Variants in ACAD10 observed in about 807,000 individuals in gnomAD.
ACAD10 encodes the protein acyl-CoA dehydrogenase family member 10, also known as ACAD-10.
Under a neutral mutation model 116.8 loss-of-function variants are expected in ACAD10, and 112 were observed. That is an observed-to-expected ratio of 0.96 (90% confidence interval 0.82 to 1.12). ACAD10 has a LOEUF of 1.12. ACAD10 is among the 50% of genes most tolerant of loss of function. The pLI, the probability that ACAD10 is intolerant of heterozygous loss-of-function variation, is 0.00. For synonymous variants in ACAD10, 486 were observed against 510.6 expected (o/e 0.95, Z 0.65); for missense variants, 1,259 against 1,350.2 (o/e 0.93, Z 1.06).
intron 6 of ACAD10, chr12:111,715,524 C>G (rs770382450): frequency 1.2e-5 from 4 of 343,866 alleles, no homozygotes; most frequent in Non-Finnish European, 1.6e-5. Context: ...ATTCATGGAG[C>G]AGGAGCTGGC....
chr12:111,727,385 G>A (rs1446198526), intron 8 of ACAD10, among the ~76,000 whole-genome samples: 2 of 151,996 alleles, frequency 1.3e-5, no homozygotes, highest in East Asian at 1.9e-4. Context: ...TTAGCCGGGC[G>A]TGGTGGCGGG....
chr12:111,756,595 G>A lies in ACAD10; in HGVS notation c.*122G>A, dbSNP rs755713118. ...GCACCCTGCTCAGCAGCTCTGTCCC[G>A]GGACAGTCAGGGTGGACTCAATCTT... On this transcript the variant is annotated 3_prime_UTR_variant, in exon 21 of 21. Transcript: ENST00000313698. The A allele has an allele frequency of 3.9e-5, 55 of 1,428,538 alleles. No individual in the cohort carries two copies. The highest frequency in any genetic ancestry group is 6.2e-5 in the South Asian group (5 of 81,122). 88.5% of individuals were successfully genotyped at this position (1,428,538 alleles called of 1,614,324 possible).
intron 8 of ACAD10, among the ~76,000 whole-genome samples, chr12:111,724,565 G>A (rs1174685903): frequency 2.0e-5 from 3 of 152,248 alleles, no homozygotes; most frequent in African/African-American, 7.2e-5. Flanking sequence ...CACCTCGGGA[G>A]GCTGAGGCTG....
chr12:111,735,108 C>G (rs1191243098), intron 11 of ACAD10, among the ~76,000 whole-genome samples: 1 of 151,672 alleles, frequency 6.6e-6, no homozygotes, highest in Non-Finnish European at 1.5e-5. Flanking sequence ...CCTGTAGTCC[C>G]AGCTACTCAG....
In ACAD10 at chr12:111,744,791, G is replaced by A. The variant is rs1441657065; in HGVS notation, c.1863G>A (p.Trp621Ter). The part of the protein sequence containing the change: ...TNPLTRSYHT[W>*]ARPQSQWCPT... The stretch of plus-strand genomic sequence containing the variant: ...CGTTAACAAGGTCCTACCACACGTG[G>A]GCCAGGCCCCAGTCCCAGTGGTGCC... The change falls in exon 13 of 21, where the codon TGG (tryptophan) becomes TGA (stop). Residue 621 changes from tryptophan (W) to a stop codon, truncating the protein, a stop_gained. Coordinates refer to ENST00000313698, the MANE Select transcript of ACAD10 (RefSeq NM_025247.6). LOFTEE classifies it high-confidence loss of function. 5 of 1,614,212 alleles carry A rather than the reference G, an allele frequency of 3.1e-6. No individual in the cohort carries two copies. In the East Asian group the frequency reaches 1.1e-4, roughly 36 times the overall value.
At chr12:111,736,783 G>A (rs1266060713) in intron 11 of ACAD10, 48 bp from the exon 12 acceptor site, 19 of 1,567,812 alleles carry the variant, frequency 1.2e-5, no homozygotes, top group Non-Finnish European at 1.5e-5. Flanking sequence ...AGCCACAGGG[G>A]CGTGTCACGT....
intron 17 of ACAD10, chr12:111,748,938 T>C: frequency 4.9e-6 from 7 of 1,426,072 alleles, no homozygotes; most frequent in Middle Eastern, 1.8e-4. Context: ...GGCATTATTA[T>C]GTTTTTATAA....
intron 19 of ACAD10, among the ~76,000 whole-genome samples, chr12:111,754,667 A>C (rs1890159756): frequency 6.6e-6 from 1 of 152,160 alleles, no homozygotes; most frequent in South Asian, 2.1e-4. Flanking sequence ...CTGGCGTGCT[A>C]GATATGGTGG....
chr12:111,750,219 G>A (rs1890036350), intron 18 of ACAD10, among the ~76,000 whole-genome samples: 1 of 150,154 alleles, frequency 6.7e-6, no homozygotes, highest in Non-Finnish European at 1.5e-5. Flanking sequence ...AGCCTCCCGA[G>A]TAGCTGGGAC....
rs1889979265 is a variant in ACAD10 at position 111,748,444 on chromosome 12, T to C, written c.2613T>C (p.Pro871=). The change falls in exon 17 of 21, where the codon CCT becomes CCC. Residue 871 remains proline, a synonymous_variant. Transcript: ENST00000313698. ...CCCCAGGGATAAAAATCATCCGGCC[T>C]CTGACGGTGTATGGACTGGAAGATG... ...MDTPGIKIIR[P]LTVYGLEDAP... 2 of 1,613,848 alleles carry C rather than the reference T, an allele frequency of 1.2e-6. No individual in the cohort carries two copies.
chr12:111,726,834 C>G (rs1420523705), intron 8 of ACAD10, among the ~76,000 whole-genome samples: 1 of 152,014 alleles, frequency 6.6e-6, no homozygotes, highest in Non-Finnish European at 1.5e-5. Context: ...GCACTTCAGC[C>G]TAGGCAACAG....
chr12:111,756,678 A>C lies in ACAD10; in HGVS notation c.*205A>C. 1 of 889,450 alleles carries C rather than the reference A, an allele frequency of 1.1e-6. No individual in the cohort carries two copies. The highest frequency in any genetic ancestry group is 1.8e-6 in the Non-Finnish European group (1 of 560,708). The allele number at this position is 889,450 out of a possible 1,614,324, so 55.1% of individuals were successfully genotyped here. On this transcript the variant is annotated 3_prime_UTR_variant, in exon 21 of 21. Transcript: ENST00000313698. ...AGCCTGGAGTCTGTTTCAGGCCAGG[A>C]GGAGGGGATTTGCTGAGGGCCAAGG...
At chr12:111,725,870 A>C (rs556366323) in intron 8 of ACAD10, among the ~76,000 whole-genome samples, 5 of 152,268 alleles carry the variant, frequency 3.3e-5, no homozygotes, top group African/African-American at 1.2e-4. Flanking sequence ...CAGTATACCT[A>C]ACTAACAATT....
intron 2 of ACAD10, among the ~76,000 whole-genome samples, chr12:111,699,397 C>T (rs879859255): frequency 3.3e-5 from 5 of 152,034 alleles, no homozygotes; most frequent in Non-Finnish European, 7.4e-5. Flanking sequence ...GACCCTTTCC[C>T]AGTTGGTTCC....
chr12:111,711,198 T>A (rs1284256053), intron 5 of ACAD10, among the ~76,000 whole-genome samples: 1 of 152,170 alleles, frequency 6.6e-6, no homozygotes, highest in Non-Finnish European at 1.5e-5. Context: ...CTGTGCTAAA[T>A]TTTTTGTTGT....
In ACAD10 at chr12:111,729,769, G is replaced by A. The variant is rs201557179; in HGVS notation, c.1244-37G>A. On this transcript the variant is annotated intron_variant, in intron 9 of 20. Coordinates refer to ENST00000313698, the MANE Select transcript of ACAD10 (RefSeq NM_025247.6). ...TTTTCCGCTACTTTCAGAGGTTGCT[G>A]AAATTGCACACCAAGTTCTAATCCT... 51 of 1,598,002 alleles carry A rather than the reference G, an allele frequency of 3.2e-5. 1 individual carries two copies. In the East Asian group the frequency reaches 1.1e-3, roughly 34 times the overall value.
At chr12:111,705,125 C>T (rs1406871448) in intron 3 of ACAD10, among the ~76,000 whole-genome samples, 1 of 151,908 alleles carries the variant, frequency 6.6e-6, no homozygotes, top group Non-Finnish European at 1.5e-5. Flanking sequence ...AATTAAATTA[C>T]ATATACTTCA....
intron 7 of ACAD10, among the ~76,000 whole-genome samples, chr12:111,719,640 C>A (rs1888958058): frequency 1.3e-5 from 2 of 152,016 alleles, no homozygotes; most frequent in African/African-American, 4.8e-5. Context: ...GCAACCTCCG[C>A]CTCCTGGGTT....
At chr12:111,723,472 C>G (rs1889101235) in intron 8 of ACAD10, among the ~76,000 whole-genome samples, 2 of 140,170 alleles carry the variant, frequency 1.4e-5, no homozygotes, top group Non-Finnish European at 3.2e-5. Context: ...GGGGGGCTGA[C>G]CCCCCCGCCT....
Sources: allele counts gnomAD v4.1 joint callset (sites outside exome capture counted in the v4.1 genomes callset), GRCh38; gene constraint gnomAD v4.1.1; transcripts MANE v1.5; gene names NCBI Gene and HGNC (gene_info 2026-07-23, HGNC 2026-07-21).